Variants in LONRF3 observed in about 807,000 individuals in gnomAD.
LONRF3 encodes LON peptidase N-terminal domain and RING finger protein 3.
LONRF3 carries 19 observed loss-of-function variants against 51.7 expected under a neutral mutation model. The ratio of observed to expected loss-of-function variants is 0.37; its 90% CI spans 0.26 to 0.54. The LOEUF is 0.54. LONRF3 is among the 20% of genes least tolerant of loss of function. LONRF3 has a pLI of 0.86. For synonymous variants in LONRF3, 265 were observed against 257.8 expected, an observed-to-expected ratio of 1.03 and a Z score of -0.27; for missense variants, 521 against 623.9, an observed-to-expected ratio of 0.84 and a Z score of 1.76.
intron 1 of LONRF3, among the ~76,000 whole-genome samples, chrX:118,977,983 G>T (rs1922218897): frequency 9.0e-6 from 1 of 110,997 alleles, no homozygotes; most frequent in Non-Finnish European, 1.9e-5. Context: ...CTTCCTACCT[G>T]GCCTGTTTTC....
At chrX:118,978,133 G>A (rs1922232856) in intron 1 of LONRF3, among the ~76,000 whole-genome samples, 1 of 111,406 alleles carries the variant, frequency 9.0e-6, no homozygotes, top group East Asian at 2.8e-4. Flanking sequence ...GGGCAAAAAT[G>A]ACTTTGCAGT....
intron 9 of LONRF3, among the ~76,000 whole-genome samples, chrX:119,013,717 G>T (rs1394158912): frequency 9.0e-6 from 1 of 111,730 alleles, no homozygotes; most frequent in Non-Finnish European, 1.9e-5. Context: ...GGTGGAAGAA[G>T]AGGTAAATAA....
At chrX:119,008,001 G>A (rs764863060) in intron 6 of LONRF3, among the ~76,000 whole-genome samples, 1 of 111,805 alleles carries the variant, frequency 8.9e-6, no homozygotes, top group East Asian at 2.8e-4. Flanking sequence ...CTACTTTTTA[G>A]ACTGACTACC....
rs762681783 is a variant in LONRF3 at position 119,017,722 on chromosome X, T to C, written c.*32T>C. ...GATTGCCGAAGAGGAGCTCCCACCT[T>C]CCCCACTGCCGTCGGGGGGAGTCTT... On this transcript the variant is annotated 3_prime_UTR_variant, in exon 11 of 11. Transcript: ENST00000371628. 7 of 1,144,438 alleles carry C rather than the reference T, an allele frequency of 6.1e-6. No individual in the cohort carries two copies. The highest frequency in any genetic ancestry group is 8.2e-6 in the Non-Finnish European group (7 of 857,870). 94.3% of individuals were successfully genotyped at this position (1,144,438 alleles called of 1,213,427 possible).
intron 5 of LONRF3, among the ~76,000 whole-genome samples, chrX:118,994,792 A>G (rs977722279): frequency 1.8e-5 from 2 of 111,960 alleles, no homozygotes; most frequent in African/African-American, 6.5e-5. Context: ...AAATATCACA[A>G]TCCTAAACAT....
chrX:119,014,883 C>T (rs1340650974), intron 10 of LONRF3, among the ~76,000 whole-genome samples: 1 of 111,970 alleles, frequency 8.9e-6, no homozygotes, highest in Non-Finnish European at 1.9e-5. Flanking sequence ...CTATGCTTCG[C>T]CCTGCAAGTC....
At chrX:118,977,534 G>T (rs780718721) in intron 1 of LONRF3, among the ~76,000 whole-genome samples, 38 of 112,469 alleles carry the variant, frequency 3.4e-4, no homozygotes, top group African/African-American at 1.2e-3. Flanking sequence ...TCAGAAAAAG[G>T]AACCTGCTCC....
chrX:118,990,429 G>C, intron 4 of LONRF3, 41 bp from the exon 5 acceptor site: 2 of 1,052,495 alleles, frequency 1.9e-6, no homozygotes, highest in East Asian at 3.0e-5. Flanking sequence ...CTATGAAACC[G>C]GGGTGGCTCC....
chrX:118,980,191 G>T (rs925416487), intron 2 of LONRF3, among the ~76,000 whole-genome samples: 13 of 111,942 alleles, frequency 1.2e-4, no homozygotes, highest in African/African-American at 3.9e-4. Flanking sequence ...ATGTATCCAA[G>T]TTCAAGTCCA....
intron 10 of LONRF3, among the ~76,000 whole-genome samples, chrX:119,016,508 C>A (rs778418021): frequency 6.8e-4 from 75 of 109,710 alleles, no homozygotes; most frequent in African/African-American, 2.4e-3. Context: ...CCACCGCGCC[C>A]GGCTAATTTT....
intron 1 of LONRF3, among the ~76,000 whole-genome samples, chrX:118,977,998 T>A (rs1395641282): frequency 2.7e-5 from 3 of 111,252 alleles, no homozygotes; most frequent in Admixed American, 1.9e-4. Context: ...GTTTTCTTGT[T>A]GGTAATACTG....
At position 118,974,650 on chromosome X, in the gene LONRF3, C is replaced by T. The variant is rs1921828592; in HGVS notation, c.-131C>T. The T allele has an allele frequency of 2.0e-5, 11 of 546,954 alleles. No individual in the cohort carries two copies. The South Asian group carries it at 3.5e-4, about 18-fold the overall frequency. The allele number at this position is 546,954 out of a possible 1,213,427, so 45.1% of individuals were successfully genotyped here. A position where few individuals can be genotyped will look rare whatever the true frequency, so the allele number is the denominator to read the frequency against. On this transcript the variant is annotated 5_prime_UTR_variant, in exon 1 of 11. Transcript: ENST00000371628. Reference sequence around the variant, plus strand: ...GGCGCGGGGCGGCCGGCATGGAGCTCCCGGAGGCGCGGCAGGGTCAGGAGC... The same window carrying T: ...GGCGCGGGGCGGCCGGCATGGAGCTTCCGGAGGCGCGGCAGGGTCAGGAGC...
chrX:118,986,022 T>G (rs1195609351), intron 3 of LONRF3, among the ~76,000 whole-genome samples: 2 of 105,954 alleles, frequency 1.9e-5, no homozygotes, highest in Non-Finnish European at 3.9e-5. Context: ...TCACCTGCTC[T>G]CCTTGTGTTA....
intron 3 of LONRF3, among the ~76,000 whole-genome samples, chrX:118,983,377 C>A (rs967937672): frequency 3.6e-5 from 4 of 111,948 alleles, no homozygotes; most frequent in African/African-American, 1.3e-4. Flanking sequence ...TGACAGCCAG[C>A]CCCTGGGAAG....
At chrX:118,983,018 G>A (rs1176148772) in intron 3 of LONRF3, 75 bp downstream of exon 3, 13 of 1,114,903 alleles carry the variant, frequency 1.2e-5, no homozygotes, top group African/African-American at 9.1e-5. Flanking sequence ...AGGGGAGTGA[G>A]GGTGCTGTCC....
At chrX:119,007,617 T>A (rs1377728496) in intron 6 of LONRF3, among the ~76,000 whole-genome samples, 2 of 112,225 alleles carry the variant, frequency 1.8e-5, no homozygotes, top group African/African-American at 6.5e-5. Context: ...TGCAAGGCTA[T>A]CTCTAGGTGA....
rs1226713440 is a variant in LONRF3, at chrX:119,017,866, T to C, written c.*176T>C. 3 of 379,129 alleles carry C rather than the reference T, an allele frequency of 7.9e-6. No homozygotes were observed. The highest frequency in any genetic ancestry group is 7.8e-5 in the African/African-American group (3 of 38,470). The allele number at this position is 379,129 out of a possible 1,213,427, so 31.2% of individuals were successfully genotyped here. A position where few individuals can be genotyped will look rare whatever the true frequency, so the allele number is the denominator to read the frequency against. On this transcript the variant is annotated 3_prime_UTR_variant, in exon 11 of 11. Coordinates refer to ENST00000371628, the MANE Select transcript of LONRF3 (RefSeq NM_001031855.3). ...AGAAAGACCAAAAGAATGTGACCTA[T>C]TTGAAACTTTCTGTCTTAAGATGCT...
chrX:119,002,285 C>G (rs73637820), intron 5 of LONRF3, among the ~76,000 whole-genome samples: 4,112 of 111,847 alleles, frequency 0.037, 211 homozygotes, highest in African/African-American at 0.13. Flanking sequence ...TGACTTTTAT[C>G]TTGTTTCTCT....
At chrX:118,986,979 C>T in intron 3 of LONRF3, 1 of 1,152,170 alleles carries the variant, frequency 8.7e-7, no homozygotes, top group African/African-American at 1.8e-5. Context: ...GGAACATTCT[C>T]CCGATATCCT....
Sources: allele counts gnomAD v4.1 joint callset (sites outside exome capture counted in the v4.1 genomes callset), GRCh38; gene constraint gnomAD v4.1.1; transcripts MANE v1.5; gene names NCBI Gene and HGNC (gene_info 2026-07-23, HGNC 2026-07-21).